The following TSPEAR variants were observed in gnomAD, a reference collection of about 807,000 sequenced individuals.
The protein encoded by TSPEAR is thrombospondin-type laminin G domain and EAR repeat-containing protein.
In TSPEAR, 69 loss-of-function variants were observed where a neutral mutation model predicts 71.6. The observed-to-expected ratio is 0.96, with a 90% CI of 0.79 to 1.18. TSPEAR has a LOEUF of 1.18. Among genes scored for constraint, TSPEAR ranks in the 50% most tolerant of loss-of-function variants. TSPEAR has a pLI of 0.00. For missense variants in TSPEAR, 971 were observed against 894.9 expected (o/e 1.09, Z -1.09); for synonymous variants, 402 against 387.2 (o/e 1.04, Z -0.45).
intron 9 of TSPEAR, among the ~76,000 whole-genome samples, chr21:44,515,270 G>A (rs1569156883): frequency 6.6e-6 from 1 of 152,256 alleles, no homozygotes; most frequent in Non-Finnish European, 1.5e-5. Context: ...AGTTTTGAAA[G>A]ATGAGGCTCA....
At position 44,689,715 on chromosome 21, in the gene TSPEAR, ATATAT is replaced by A. The variant is rs1390454930; in HGVS notation, c.82+21713_82+21717del. 6.3e-5 allele frequency among the ~76,000 whole-genome samples: 5 copies of A among 79,666 alleles called. 1 individual carries two copies. The highest frequency in any genetic ancestry group is 5.4e-4 in the South Asian group (1 of 1,846). The allele number at this position is 79,666 out of a possible 152,430, so 52.3% of individuals were successfully genotyped here. A position where few individuals can be genotyped will look rare whatever the true frequency, so the allele number is the denominator to read the frequency against. On this transcript the variant is annotated intron_variant, in intron 1 of 11. Coordinates refer to ENST00000323084, the MANE Select transcript of TSPEAR (RefSeq NM_144991.3). ...CTTAGAGGGACAGAATAGAATGAAT[ATATAT>A]ATATATATATATATATATATTTTGG...
chr21:44,617,664 G>A (rs1038996108), intron 1 of TSPEAR, among the ~76,000 whole-genome samples: 5 of 152,212 alleles, frequency 3.3e-5, no homozygotes, highest in African/African-American at 1.2e-4. Context: ...TCACAATGCT[G>A]GGGGCACACG....
intron 1 of TSPEAR, chr21:44,654,507 G>A (rs782039264): frequency 4.3e-6 from 7 of 1,613,580 alleles, no homozygotes; most frequent in Non-Finnish European, 5.9e-6. Flanking sequence ...GGGCTGAGCA[G>A]CAGCAGGAGG....
intron 2 of TSPEAR, chr21:44,540,333 C>T (rs1047997250): frequency 1.4e-5 from 14 of 1,000,618 alleles, no homozygotes; most frequent in South Asian, 3.3e-5. Context: ...TGAGAGGTGG[C>T]GTGTGTCATG....
chr21:44,694,448 A>G (rs1255089584), intron 1 of TSPEAR, among the ~76,000 whole-genome samples: 1 of 152,194 alleles, frequency 6.6e-6, no homozygotes, highest in Non-Finnish European at 1.5e-5. Context: ...ATGGGGACAG[A>G]GTTTCAGTTC....
chr21:44,542,749 A>AG (rs1281414393), intron 2 of TSPEAR, among the ~76,000 whole-genome samples: 6 of 150,508 alleles, frequency 4.0e-5, no homozygotes, highest in Admixed American at 2.0e-4. Flanking sequence ...TGTTAAAAAA[A>AG]AAAAAAAAAG....
chr21:44,702,612 T>C (rs1318192540), intron 1 of TSPEAR: 4 of 1,604,284 alleles, frequency 2.5e-6, no homozygotes, highest in Admixed American at 1.7e-5. Context: ...CCTCCTCCTC[T>C]GTGTCCCTCC....
At chr21:44,664,342 A>C (rs1453768817) in intron 1 of TSPEAR, among the ~76,000 whole-genome samples, 3 of 152,218 alleles carry the variant, frequency 2.0e-5, no homozygotes, top group Admixed American at 6.5e-5. Context: ...AATAGCATTA[A>C]ACTTATAAAA....
At chr21:44,517,805 C>T (rs1474725865) in intron 9 of TSPEAR, 7 of 471,136 alleles carry the variant, frequency 1.5e-5, no homozygotes, top group African/African-American at 1.2e-4. Flanking sequence ...TGGGAAATCC[C>T]AGGCTGCCGC....
chr21:44,626,886 C>T (rs937386155), intron 1 of TSPEAR, among the ~76,000 whole-genome samples: 1 of 152,082 alleles, frequency 6.6e-6, no homozygotes, highest in Admixed American at 6.5e-5. Flanking sequence ...GGATCAGGCC[C>T]ACCCCAACTC....
rs959934407 is a variant in TSPEAR, at chr21:44,585,927, G to A, written c.83-17922C>T. ...TTCATTGCTGAAAGGTTCTCTGCAT[G>A]TAGACACATGTCTTCTTCTCACAGA... is the stretch of plus-strand genomic sequence containing the variant. On this transcript the variant is annotated intron_variant, in intron 1 of 11. Transcript: ENST00000323084. Among the ~76,000 whole-genome samples the A allele has an allele frequency of 4.6e-5, 7 of 152,242 alleles. No homozygotes were observed. In the South Asian group the frequency reaches 1.4e-3, roughly 31 times the overall value.
rs782629316 is a variant in TSPEAR at position 44,527,394 on chromosome 21, G to T, written c.1047C>A (p.Ala349=). 1 of 1,614,216 alleles carries T rather than the reference G, an allele frequency of 6.2e-7. No individual in the cohort carries two copies. Among genetic ancestry groups the T allele is most frequent in the Non-Finnish European group, 8.5e-7 (1 of 1,180,052 alleles). Residue 349 remains alanine, a synonymous_variant, in exon 7 of 12, where the codon GCC becomes GCA. Coordinates refer to ENST00000323084, the MANE Select transcript of TSPEAR (RefSeq NM_144991.3). ...GLFVATANRK[A]TSAVYKWTEE... Reference sequence around the variant, plus strand: ...CGGTCCACTTGTAGACGGCGGATGTGGCTTTGCGATTGGCTGTGGCCACAA... The same window carrying T: ...CGGTCCACTTGTAGACGGCGGATGTTGCTTTGCGATTGGCTGTGGCCACAA...
chr21:44,611,882 C>T (rs587771776), intron 1 of TSPEAR, among the ~76,000 whole-genome samples: 32 of 152,298 alleles, frequency 2.1e-4, no homozygotes, highest in African/African-American at 7.2e-4. Flanking sequence ...CAGCATCACC[C>T]AACCACATGC....
intron 1 of TSPEAR, chr21:44,646,384 C>CCTCA (rs1326718986): frequency 9.1e-6 from 14 of 1,543,724 alleles, no homozygotes; most frequent in Admixed American, 3.7e-5. Context: ...GCCCTGAGCA[C>CCTCA]CTCACTCACT....
intron 1 of TSPEAR, among the ~76,000 whole-genome samples, chr21:44,591,068 C>G (rs904278732): frequency 6.6e-6 from 1 of 151,746 alleles, no homozygotes; most frequent in African/African-American, 2.4e-5. Context: ...TCCCACCTCA[C>G]CCTGTGCCCC....
chr21:44,508,462 A>G (rs1296310902), intron 10 of TSPEAR: 5 of 1,016,304 alleles, frequency 4.9e-6, no homozygotes, highest in Non-Finnish European at 1.2e-6. Context: ...GCCAGATTCC[A>G]GCTCCAAGCT....
intron 1 of TSPEAR, among the ~76,000 whole-genome samples, chr21:44,667,356 C>G (rs1555945115): frequency 6.6e-6 from 1 of 152,114 alleles, no homozygotes; most frequent in Non-Finnish European, 1.5e-5. Flanking sequence ...CTGTGGGTGT[C>G]CTGAGAGCTT....
At chr21:44,504,312 TAGGGGGAAGCAAGGCACTGGGAGGA>T (rs2052139014) in intron 11 of TSPEAR, among the ~76,000 whole-genome samples, 1 of 64,896 alleles carries the variant, frequency 1.5e-5, no homozygotes, top group African/African-American at 6.8e-5. Context: ...GGTGAGCCCT[TAGGGGGAAGCAAGGCACTGGGAGGA>T]AGCTGGCCTC....
intron 1 of TSPEAR, among the ~76,000 whole-genome samples, chr21:44,615,481 A>G (rs1253696947): frequency 6.6e-6 from 1 of 152,070 alleles, no homozygotes; most frequent in Admixed American, 6.5e-5. Context: ...CATTTTTACC[A>G]TGGAATTAAT....
Sources: gnomAD v4.1 joint callset for allele counts (sites outside exome capture counted in the v4.1 genomes callset) on GRCh38, gnomAD v4.1.1 for gene constraint, MANE v1.5 for transcripts, NCBI Gene and HGNC (gene_info 2026-07-23, HGNC 2026-07-21) for gene names.